The following ELOVL7 variants were observed in gnomAD, a reference collection of about 807,000 sequenced individuals.
ELOVL7 encodes the protein very long chain fatty acid elongase 7.
Under a neutral mutation model 35.7 loss-of-function variants are expected in ELOVL7, and 27 were observed. The ratio of observed to expected loss-of-function variants is 0.76; its 90% CI spans 0.56 to 1.04. The LOEUF (loss-of-function observed/expected upper bound fraction) is 1.04. ELOVL7 is among the 50% of genes least tolerant of loss of function. The probability of loss-of-function intolerance (pLI) is 0.00; values close to 1 mark genes in which losing one functional copy is unlikely to be tolerated. For synonymous variants in ELOVL7, 113 were observed against 114.6 expected (o/e 0.99, Z 0.09); for missense variants, 327 against 340.8 (o/e 0.96, Z 0.32).
chr5:60,821,623 C>A (rs960261022), intron 1 of ELOVL7, among the ~76,000 whole-genome samples: 10 of 152,246 alleles, frequency 6.6e-5, no homozygotes, highest in African/African-American at 2.4e-4. Context: ...CTCTTCTGAG[C>A]CCCTGACATA....
chr5:60,787,675 A>G (rs80030795), intron 2 of ELOVL7, among the ~76,000 whole-genome samples: 18 of 152,250 alleles, frequency 1.2e-4, no homozygotes, highest in African/African-American at 4.1e-4. Flanking sequence ...TATTCTATGT[A>G]CAAGACTCAA....
intron 3 of ELOVL7, among the ~76,000 whole-genome samples, chr5:60,783,346 T>C (rs1743374482): frequency 6.6e-6 from 1 of 152,194 alleles, no homozygotes; most frequent in Non-Finnish European, 1.5e-5. Flanking sequence ...TTGCTTAAAT[T>C]AGCTCTCCCT....
chr5:60,843,039 G>A (rs1747270856), intron 1 of ELOVL7, among the ~76,000 whole-genome samples: 1 of 152,058 alleles, frequency 6.6e-6, no homozygotes, highest in Admixed American at 6.5e-5. Context: ...GCAGCCACCA[G>A]GTATCGATGA....
At chr5:60,830,415 G>C (rs1304607173) in intron 1 of ELOVL7, among the ~76,000 whole-genome samples, 1 of 152,156 alleles carries the variant, frequency 6.6e-6, no homozygotes, top group African/African-American at 2.4e-5. Context: ...GAAAGAGCTA[G>C]GATACTGGGG....
intron 1 of ELOVL7, among the ~76,000 whole-genome samples, chr5:60,818,083 C>T (rs530378506): frequency 1.3e-5 from 2 of 151,492 alleles, no homozygotes; most frequent in East Asian, 1.9e-4. Context: ...TTTGGGAGGC[C>T]GAGGCAGGTG....
chr5:60,757,517 A>G lies in ELOVL7; in HGVS notation c.628T>C (p.Leu210=), dbSNP rs1276263403. 1 of 1,613,202 alleles carries G rather than the reference A, an allele frequency of 6.2e-7. No individual in the cohort carries two copies. The highest frequency in any genetic ancestry group is 8.5e-7 in the Non-Finnish European group (1 of 1,179,562). ...GACAATTAATTACTCACAAGCTGTA[A>G]TGATGTCAAATATTTTTTCCACCAC... The part of the protein sequence containing the change: ...YLWWKKYLTS[L]QLVQFVIVAI... The change falls in exon 8 of 9, where the codon TTA becomes CTA. Residue 210 remains leucine, a synonymous_variant. Transcript: ENST00000508821.
At position 60,784,161 on chromosome 5, in the gene ELOVL7, C is replaced by T. The variant is rs976660089; in HGVS notation, c.64+3173G>A. ...GTATTCTCTTCTTAAGTAGCAGGTA[C>T]TGGCTCAAAGAGTACATCTTTAAGA... On this transcript the variant is annotated intron_variant, in intron 3 of 8. Coordinates refer to ENST00000508821, the MANE Select transcript of ELOVL7 (RefSeq NM_024930.3). 7.9e-6 allele frequency: 12 copies of T among 1,516,788 alleles called. No individual in the cohort carries two copies. In the East Asian group the frequency reaches 2.7e-4, roughly 34 times the overall value. 94.0% of individuals were successfully genotyped at this position (1,516,788 alleles called of 1,614,324 possible). A position where few individuals can be genotyped will look rare whatever the true frequency, so the allele number is the denominator to read the frequency against.
intron 1 of ELOVL7, among the ~76,000 whole-genome samples, chr5:60,836,747 A>G (rs1043218346): frequency 6.6e-6 from 1 of 152,054 alleles, no homozygotes; most frequent in African/African-American, 2.4e-5. Flanking sequence ...AATTTGGGAC[A>G]GAAAGAAGGA....
chr5:60,810,544 C>T (rs1489145907), intron 1 of ELOVL7, among the ~76,000 whole-genome samples: 2 of 152,200 alleles, frequency 1.3e-5, no homozygotes. Context: ...GAATCAATTA[C>T]TAAATTATAC....
intron 1 of ELOVL7, among the ~76,000 whole-genome samples, chr5:60,813,689 G>A (rs537876034): frequency 6.6e-6 from 1 of 151,620 alleles, no homozygotes; most frequent in Non-Finnish European, 1.5e-5. Flanking sequence ...TTACTTCAGA[G>A]AACACTTGTT....
chr5:60,831,842 C>T lies in ELOVL7; in HGVS notation c.-86+12318G>A, dbSNP rs116406660. ...GTGGTTACTCTTTCAATATAAGCTC[C>T]GGGCTAACTGTTAAAATCTAGTGTT... is the stretch of plus-strand genomic sequence containing the variant. On this transcript the variant is annotated intron_variant, in intron 1 of 8. Coordinates refer to ENST00000508821, the MANE Select transcript of ELOVL7 (RefSeq NM_024930.3). Among the ~76,000 whole-genome samples, 120 of 152,188 alleles carry T rather than the reference C, an allele frequency of 7.9e-4. 1 individual carries two copies. The highest frequency in any genetic ancestry group is 3.4e-3 in the Middle Eastern group (1 of 294).
intron 1 of ELOVL7, among the ~76,000 whole-genome samples, chr5:60,806,124 C>T (rs1391168440): frequency 2.0e-5 from 3 of 152,112 alleles, no homozygotes; most frequent in Non-Finnish European, 4.4e-5. Flanking sequence ...GACATGCACA[C>T]AGGAAGAGCA....
intron 1 of ELOVL7, among the ~76,000 whole-genome samples, chr5:60,843,837 T>C (rs1446634224): frequency 1.3e-5 from 2 of 151,368 alleles, no homozygotes; most frequent in Admixed American, 1.3e-4. Context: ...GACCTTCCCT[T>C]CGGGATGCTG....
intron 4 of ELOVL7, 24 bp from the exon 5 acceptor site, chr5:60,767,927 A>G: frequency 6.3e-7 from 1 of 1,586,552 alleles, no homozygotes. Context: ...CATGCATATT[A>G]AGAAAGGAAA....
intron 1 of ELOVL7, among the ~76,000 whole-genome samples, chr5:60,810,024 G>C (rs1190698623): frequency 1.3e-5 from 2 of 152,128 alleles, no homozygotes; most frequent in African/African-American, 2.4e-5. Context: ...AGGAAAAAAT[G>C]ACTATAAACA....
intron 1 of ELOVL7, among the ~76,000 whole-genome samples, chr5:60,837,315 T>TGGGGGGGGGGGGGGGGGGGGG (rs1227317155): frequency 3.7e-4 from 9 of 24,516 alleles, no homozygotes; most frequent in Non-Finnish European, 5.7e-4. Context: ...GGCGGGGGGG[T>TGGGGGGGGGGGGGGGGGGGGG]GGGGGGGGAG....
chr5:60,839,011 A>G (rs914808061), intron 1 of ELOVL7, among the ~76,000 whole-genome samples: 2 of 126,870 alleles, frequency 1.6e-5, no homozygotes, highest in Non-Finnish European at 3.4e-5. Flanking sequence ...CGACAAGAAC[A>G]AAACAGTGTC....
At chr5:60,773,112 A>C (rs1439372620) in intron 3 of ELOVL7, among the ~76,000 whole-genome samples, 3 of 152,226 alleles carry the variant, frequency 2.0e-5, no homozygotes, top group Non-Finnish European at 4.4e-5. Flanking sequence ...ATGAATAAAA[A>C]ATTACAACTC....
intron 2 of ELOVL7, 90 bp from the exon 3 acceptor site, chr5:60,787,521 A>G: frequency 1.5e-6 from 1 of 673,812 alleles, no homozygotes; most frequent in Non-Finnish European, 2.3e-6. Flanking sequence ...AATGCTAAAA[A>G]TTTAATATGA....
Sources: gnomAD v4.1 joint callset for allele counts (sites outside exome capture counted in the v4.1 genomes callset) on GRCh38, gnomAD v4.1.1 for gene constraint, MANE v1.5 for transcripts, NCBI Gene and HGNC (gene_info 2026-07-23, HGNC 2026-07-21) for gene names.